Variants in NETO1 observed in about 807,000 individuals in gnomAD.
The protein encoded by NETO1 is neuropilin and tolloid like 1.
In NETO1, 26 loss-of-function variants were observed where a neutral mutation model predicts 61.3. The ratio of observed to expected loss-of-function variants is 0.42; its 90% CI spans 0.31 to 0.59. The LOEUF is 0.59. Ranked by LOEUF, NETO1 falls within the 20% of genes least tolerant of loss-of-function variation. The pLI is 0.12. For missense variants in NETO1, 531 were observed against 662.8 expected (o/e 0.80, Z 2.18); for synonymous variants, 225 against 225.8 (o/e 1.00, Z 0.03).
intron 4 of NETO1, chr18:72,835,245 T>C: frequency 6.5e-7 from 1 of 1,536,614 alleles, no homozygotes; most frequent in Non-Finnish European, 8.9e-7. Context: ...CACCACAGCA[T>C]CCAGAGATGA....
intron 7 of NETO1, among the ~76,000 whole-genome samples, chr18:72,761,039 C>T (rs2070954707): frequency 6.8e-6 from 1 of 146,632 alleles, no homozygotes. Context: ...GCAAATGAAA[C>T]AAAACAAAAA....
intron 9 of NETO1, among the ~76,000 whole-genome samples, chr18:72,749,518 C>G (rs2070521295): frequency 6.6e-6 from 1 of 151,966 alleles, no homozygotes; most frequent in Non-Finnish European, 1.5e-5. Flanking sequence ...ACTATACTAT[C>G]CTATGCAATT....
Position 72,830,172 on chromosome 18 carries a change from C to T in NETO1, c.469+28654G>A, listed in dbSNP as rs147008982. Among the ~76,000 whole-genome samples the T allele has an allele frequency of 0.011, 1,677 of 152,054 alleles. 60 individuals are homozygous for T. The highest frequency in any genetic ancestry group is 0.078 in the Admixed American group (1,193 of 15,252). ...ATCATAGAGGATCATGCATGTAAGC[C>T]GTCCACAGCATAGAGGAAGCGGCGG... On this transcript the variant is annotated intron_variant, in intron 4 of 10. Coordinates refer to ENST00000327305, the MANE Select transcript of NETO1 (RefSeq NM_138966.5). This position sits in a 1 kb window ranked among gnomAD's most constrained non-coding sequence, Gnocchi z 4.9.
At chr18:72,846,504 C>CAAA (rs35252443) in intron 4 of NETO1, among the ~76,000 whole-genome samples, 230 of 13,000 alleles carry the variant, frequency 0.018, 22 homozygotes, top group East Asian at 0.039. Context: ...GACTTCATCT[C>CAAA]AAAAAAAAAA....
intron 3 of NETO1, among the ~76,000 whole-genome samples, chr18:72,860,296 C>T (rs1301018576): frequency 1.3e-5 from 2 of 152,178 alleles, no homozygotes; most frequent in South Asian, 2.1e-4. Flanking sequence ...TTAGCACAGT[C>T]GGGCCTGCTC....
chr18:72,866,411 T>C (rs1382212438), intron 1 of NETO1, among the ~76,000 whole-genome samples: 2 of 152,174 alleles, frequency 1.3e-5, no homozygotes, highest in Non-Finnish European at 2.9e-5. Context: ...CTGTTGTTAC[T>C]GTGTGTTTCC....
chr18:72,767,550 AAATTTT>A (rs1186709474), intron 7 of NETO1, among the ~76,000 whole-genome samples: 13 of 152,252 alleles, frequency 8.5e-5, no homozygotes, highest in Non-Finnish European at 1.8e-4. Flanking sequence ...AATTAACTTT[AAATTTT>A]AAGTATTTCA....
intron 4 of NETO1, among the ~76,000 whole-genome samples, chr18:72,817,852 A>G (rs562938271): frequency 2.9e-4 from 44 of 152,308 alleles, no homozygotes; most frequent in African/African-American, 9.9e-4. Context: ...CATGCTCTAA[A>G]AGACATCAGT....
At chr18:72,832,108 G>A (rs1331814137) in intron 4 of NETO1, among the ~76,000 whole-genome samples, 3 of 152,112 alleles carry the variant, frequency 2.0e-5, no homozygotes, top group Admixed American at 1.3e-4. Flanking sequence ...CTAGTGCTTA[G>A]CACATTAGTA....
rs2145077017 is a variant in NETO1 at position 72,750,624 on chromosome 18, T to C, written c.983-4A>G. The C allele has an allele frequency of 1.9e-6, 3 of 1,591,732 alleles. No individual in the cohort carries two copies. Among genetic ancestry groups the C allele is most frequent in the East Asian group, 2.2e-5 (1 of 44,558 alleles). On this transcript the variant is annotated splice_polypyrimidine_tract_variant and splice_region_variant and intron_variant, in intron 8 of 10. Coordinates refer to ENST00000327305, the MANE Select transcript of NETO1 (RefSeq NM_138966.5). ...AGCAGGCTGGTTTTCCTCTTCTCTA[T>C]AGGTTGGAGAGAGTGAAAACAACAA... is the stretch of plus-strand genomic sequence containing the variant.
chr18:72,856,381 G>C (rs140944287), intron 4 of NETO1, among the ~76,000 whole-genome samples: 1 of 152,138 alleles, frequency 6.6e-6, no homozygotes, highest in Non-Finnish European at 1.5e-5. Flanking sequence ...AAAATTTCAG[G>C]AACTGTTTTT....
At chr18:72,778,884 G>A (rs2071645682) in intron 7 of NETO1, among the ~76,000 whole-genome samples, 1 of 152,132 alleles carries the variant, frequency 6.6e-6, no homozygotes, top group Non-Finnish European at 1.5e-5. Flanking sequence ...TGAGGTATTT[G>A]TTAGAGCAAC....
At chr18:72,798,060 C>T (rs1017906141) in intron 4 of NETO1, among the ~76,000 whole-genome samples, 2 of 152,198 alleles carry the variant, frequency 1.3e-5, no homozygotes, top group Non-Finnish European at 2.9e-5. Flanking sequence ...TTTTTACCGT[C>T]TACTTCCACT....
At chr18:72,763,897 A>G (rs116308410) in intron 7 of NETO1, among the ~76,000 whole-genome samples, 1,710 of 152,228 alleles carry the variant, frequency 0.011, 38 homozygotes, top group African/African-American at 0.039. Flanking sequence ...GACTAGGGAG[A>G]CCTCAGGAAA....
intron 4 of NETO1, among the ~76,000 whole-genome samples, chr18:72,816,890 G>A (rs1411734141): frequency 6.6e-6 from 1 of 152,168 alleles, no homozygotes; most frequent in Non-Finnish European, 1.5e-5. Context: ...GACCCAGTAA[G>A]GATGATGGCT....
chr18:72,800,231 G>A (rs2145311187), intron 4 of NETO1, among the ~76,000 whole-genome samples: 1 of 152,318 alleles, frequency 6.6e-6, no homozygotes, highest in East Asian at 1.9e-4. Context: ...TGCTAGAAGA[G>A]GATCAAATGC....
chr18:72,850,973 C>T (rs1246451139), intron 4 of NETO1, among the ~76,000 whole-genome samples: 2 of 152,172 alleles, frequency 1.3e-5, no homozygotes, highest in African/African-American at 4.8e-5. Flanking sequence ...GGAACGAGCT[C>T]ATTTCTGTGC....
intron 6 of NETO1, among the ~76,000 whole-genome samples, chr18:72,785,861 C>T (rs1184695438): frequency 2.0e-5 from 3 of 152,144 alleles, no homozygotes; most frequent in Non-Finnish European, 4.4e-5. Context: ...AACGGTTGCA[C>T]ATCCAATGAA....
Position 72,830,667 on chromosome 18 carries a change from C to T in NETO1, c.469+28159G>A, listed in dbSNP as rs191756764. ...ACAGGCAAAGCATATGAAAATCTGTCTTAATCCTGATTCCTAGTTGAACTG... is the reference window on the plus strand; with the variant it reads ...ACAGGCAAAGCATATGAAAATCTGTTTTAATCCTGATTCCTAGTTGAACTG... On this transcript the variant is annotated intron_variant, in intron 4 of 10. Coordinates refer to ENST00000327305, the MANE Select transcript of NETO1 (RefSeq NM_138966.5). This position sits in a 1 kb window ranked among gnomAD's most constrained non-coding sequence, Gnocchi z 4.9. Among the ~76,000 whole-genome samples the T allele has an allele frequency of 3.9e-5, 6 of 152,200 alleles. No individual in the cohort carries two copies. The East Asian group carries it at 1.2e-3, about 29-fold the overall frequency.
Sources: gnomAD v4.1 joint callset for allele counts (sites outside exome capture counted in the v4.1 genomes callset) on GRCh38, gnomAD v4.1.1 for gene constraint, Gnocchi (gnomAD v3.1) non-coding constraint, MANE v1.5 for transcripts, NCBI Gene and HGNC (gene_info 2026-07-23, HGNC 2026-07-21) for gene names.